MARCHF7: variants seen among roughly 807,000 people sequenced by gnomAD.
The protein encoded by MARCHF7 is E3 ubiquitin-protein ligase MARCHF7.
MARCHF7 carries 20 observed loss-of-function variants against 76.5 expected under a neutral mutation model. The ratio of observed to expected loss-of-function variants is 0.26; its 90% CI spans 0.18 to 0.38. The LOEUF is 0.38. MARCHF7 is among the 10% of genes least tolerant of loss of function. The pLI is 1.00. For missense variants in MARCHF7, 797 were observed against 812.9 expected (o/e 0.98, Z 0.24); for synonymous variants, 295 against 293.0 (o/e 1.01, Z -0.07).
At chr2:159,729,314 A>C (rs1050706151) in intron 4 of MARCHF7, 139 bp downstream of exon 4, 4 of 528,208 alleles carry the variant, frequency 7.6e-6, no homozygotes, top group Non-Finnish European at 1.2e-5. Context: ...AGCAAAATGA[A>C]TAACATTTTT....
rs1707932178 is a variant in MARCHF7 at position 159,767,401 on chromosome 2, A to G, written c.*59A>G. ...TAAGTGTTTATTAAAAATGGCAATT[A>G]AATATAAATTACTTTTGTGGGGGAA... On this transcript the variant is annotated 3_prime_UTR_variant, in exon 12 of 12. Transcript: ENST00000409175. 7.6e-7 allele frequency: 1 copy of G among 1,309,866 alleles called. No homozygotes were observed. Among genetic ancestry groups the G allele is most frequent in the Non-Finnish European group, 1.1e-6 (1 of 916,682 alleles). The allele number at this position is 1,309,866 out of a possible 1,614,324, so 81.1% of individuals were successfully genotyped here. A position where few individuals can be genotyped will look rare whatever the true frequency, so the allele number is the denominator to read the frequency against.
intron 4 of MARCHF7, among the ~76,000 whole-genome samples, chr2:159,736,657 C>G (rs978481002): frequency 7.9e-5 from 12 of 152,172 alleles, no homozygotes; most frequent in African/African-American, 2.7e-4. Context: ...TTGACTTATA[C>G]AATAGTAATA....
Position 159,748,173 on chromosome 2 carries a change from T to C in MARCHF7, c.883T>C (p.Phe295Leu), listed in dbSNP as rs747343679. The change falls in exon 7 of 12, where the codon TTT (phenylalanine) becomes CTT (leucine). Residue 295 changes from phenylalanine to leucine, a missense_variant. Around this residue, in one of 3 missense-constraint regions of MARCHF7, gnomAD observed 643 missense variants for 631.5 expected, o/e 1.02. Transcript: ENST00000409175. ...AGCTTCTAGCATGTCATCTACTTTTTTTTCACGAAGATCTAGTCAGGATTC... is the reference window on the plus strand; with the variant it reads ...AGCTTCTAGCATGTCATCTACTTTTCTTTCACGAAGATCTAGTCAGGATTC... ...RIASSMSSTFFSRRSSQDSLN... is the reference protein window; with the variant it reads ...RIASSMSSTFLSRRSSQDSLN... The C allele has an allele frequency of 4.3e-6, 7 of 1,612,854 alleles. No homozygotes were observed. Among genetic ancestry groups the C allele is most frequent in the Non-Finnish European group, 5.1e-6 (6 of 1,179,620 alleles).
rs533045819 is a variant in MARCHF7 at position 159,719,099 on chromosome 2, C to T, written c.-15+3333C>T. On this transcript the variant is annotated intron_variant, in intron 3 of 11. Transcript: ENST00000409175. ...CAGGCAATTCTCCTACCTCAGTTTC[C>T]GAGTAGCTGGGATTACAGGTGTGCA... Among the ~76,000 whole-genome samples the T allele has an allele frequency of 1.1e-3, 170 of 152,270 alleles. 1 individual carries two copies. In the South Asian group the frequency reaches 0.013, roughly 11 times the overall value.
At chr2:159,733,549 TAAAAAAA>T (rs11432807) in intron 4 of MARCHF7, 2 of 886,070 alleles carry the variant, frequency 2.3e-6, no homozygotes, top group Admixed American at 1.3e-4. Context: ...GAGGCAACAT[TAAAAAAA>T]AAAAAAAAAG....
chr2:159,748,309 G>C lies in MARCHF7; in HGVS notation c.1019G>C (p.Arg340Thr). The C allele has an allele frequency of 6.2e-7, 1 of 1,613,368 alleles. No homozygotes were observed. Among genetic ancestry groups the C allele is most frequent in the Non-Finnish European group, 8.5e-7 (1 of 1,179,928 alleles). The change falls in exon 7 of 12, where the codon AGG becomes ACG. Residue 340 changes from arginine to threonine, a missense_variant. Transcript: ENST00000409175. The part of the protein sequence containing the change: ...VPSASEVPDN[R>T]ASEASQGFRF... ...TCAGCTTCTGAAGTTCCCGATAATA[G>C]GGCATCTGAAGCTTCTCAGGGATTT...
chr2:159,713,582 A>T (rs1041230102), intron 1 of MARCHF7, among the ~76,000 whole-genome samples: 3 of 152,222 alleles, frequency 2.0e-5, no homozygotes, highest in African/African-American at 7.2e-5. Context: ...AGGATTAAAG[A>T]TGAATTTTCG....
intron 3 of MARCHF7, among the ~76,000 whole-genome samples, chr2:159,718,752 A>G (rs1701303578): frequency 6.6e-6 from 1 of 152,136 alleles, no homozygotes; most frequent in Non-Finnish European, 1.5e-5. Context: ...GTTCTCTTAA[A>G]CTGCCTGAAG....
At chr2:159,754,671 G>A (rs2125657859) in intron 8 of MARCHF7, among the ~76,000 whole-genome samples, 1 of 152,260 alleles carries the variant, frequency 6.6e-6, no homozygotes, top group East Asian at 1.9e-4. Context: ...AGAGGAGAAA[G>A]AAGATGGGGT....
intron 9 of MARCHF7, among the ~76,000 whole-genome samples, chr2:159,759,775 T>C (rs980147161): frequency 3.3e-5 from 5 of 152,142 alleles, no homozygotes; most frequent in African/African-American, 9.7e-5. Flanking sequence ...AAAGATATGC[T>C]GTAAAAGGAA....
At chr2:159,742,392 A>G (rs1239550863) in intron 4 of MARCHF7, among the ~76,000 whole-genome samples, 3 of 152,086 alleles carry the variant, frequency 2.0e-5, no homozygotes, top group East Asian at 3.9e-4. Context: ...TTTATAGCTT[A>G]GTGTTCTGTC....
rs189135739 is a variant in MARCHF7, at chr2:159,735,307, G to A, written c.153+6132G>A. On this transcript the variant is annotated intron_variant, in intron 4 of 11. Transcript: ENST00000409175. Reference sequence around the variant, plus strand: ...TTACATGATTTTTAATTAATCATTTGCCAGTGGATAACATTGATGTAAATT... The same window carrying A: ...TTACATGATTTTTAATTAATCATTTACCAGTGGATAACATTGATGTAAATT... 1.9e-3 allele frequency among the ~76,000 whole-genome samples: 283 copies of A among 152,306 alleles called. 7 individuals are homozygous for A. The highest frequency in any genetic ancestry group is 0.016 in the Admixed American group (250 of 15,294).
intron 3 of MARCHF7, among the ~76,000 whole-genome samples, chr2:159,726,224 GTTTTGTTTTGTTTTGTTTT>G (rs1559994422): frequency 0.013 from 963 of 74,848 alleles, 8 homozygotes; most frequent in Admixed American, 0.016. Flanking sequence ...TACAGGTTTT[GTTTTGTTTTGTTTTGTTTT>G]GTTTTGTTTT....
intron 9 of MARCHF7, among the ~76,000 whole-genome samples, chr2:159,760,708 C>CTTTTTTT (rs34933843): frequency 1.8e-4 from 26 of 147,336 alleles, no homozygotes; most frequent in South Asian, 4.3e-4. Flanking sequence ...CAGTTTTTTC[C>CTTTTTTT]TTTTTTGTTT....
chr2:159,730,834 T>C (rs1702699085), intron 4 of MARCHF7, among the ~76,000 whole-genome samples: 1 of 152,212 alleles, frequency 6.6e-6, no homozygotes, highest in Non-Finnish European at 1.5e-5. Flanking sequence ...AGAGGAGTCA[T>C]GTTTCATGAC....
At chr2:159,713,109 G>A (rs1450609173) in intron 1 of MARCHF7, among the ~76,000 whole-genome samples, 1 of 152,212 alleles carries the variant, frequency 6.6e-6, no homozygotes, top group Non-Finnish European at 1.5e-5. Flanking sequence ...GACTTCGGTA[G>A]CCCCTTAGAT....
intron 9 of MARCHF7, among the ~76,000 whole-genome samples, chr2:159,761,705 C>T (rs1707132899): frequency 6.6e-6 from 1 of 152,190 alleles, no homozygotes; most frequent in Admixed American, 6.5e-5. Flanking sequence ...AGCCACCGCA[C>T]ATGGCCTCAA....
In MARCHF7 at chr2:159,762,670, AAAG is replaced by A. The variant is rs754943612; in HGVS notation, c.1894-205_1894-203del. Among the ~76,000 whole-genome samples, 15 of 152,340 alleles carry A rather than the reference AAAG, an allele frequency of 9.8e-5. No homozygotes were observed. In the East Asian group the frequency reaches 1.5e-3, roughly 16 times the overall value. ...CATTTTTATATAAAGTCATTACACT[AAAG>A]AAGACTATGTGAGAATAAAAAGTAA... is the stretch of plus-strand genomic sequence containing the variant. On this transcript the variant is annotated intron_variant, in intron 9 of 11. Coordinates refer to ENST00000409175, the MANE Select transcript of MARCHF7 (RefSeq NM_001282805.2).
At position 159,745,752 on chromosome 2, in the gene MARCHF7, T is replaced by C. The variant is rs779059338; in HGVS notation, c.347-18T>C. 2 of 1,564,400 alleles carry C rather than the reference T, an allele frequency of 1.3e-6. No homozygotes were observed. The highest frequency in any genetic ancestry group is 1.7e-6 in the Non-Finnish European group (2 of 1,151,558). On this transcript the variant is annotated intron_variant, in intron 5 of 11. Transcript: ENST00000409175. ...TTGAAAGCTTTCTCTGAAATAAAACTTCTTCATTTATTTTAAGATTCATCT... is the reference window on the plus strand; with the variant it reads ...TTGAAAGCTTTCTCTGAAATAAAACCTCTTCATTTATTTTAAGATTCATCT...
Sources: gnomAD v4.1 joint callset for allele counts (sites outside exome capture counted in the v4.1 genomes callset) on GRCh38, gnomAD v4.1.1 for gene constraint, gnomAD v4.1.1 regional missense constraint, MANE v1.5 for transcripts, NCBI Gene and HGNC (gene_info 2026-07-23, HGNC 2026-07-21) for gene names.